The following HMCN1 variants were observed in gnomAD, a reference collection of about 807,000 sequenced individuals.
The protein encoded by HMCN1 is hemicentin 1, also known as hemicentin-1.
Under a neutral mutation model 625.9 loss-of-function variants are expected in HMCN1, and 321 were observed. The ratio of observed to expected loss-of-function variants is 0.51; its 90% CI spans 0.47 to 0.56. HMCN1 has a LOEUF of 0.56. Among genes scored for constraint, HMCN1 ranks in the 20% least tolerant of loss-of-function variants. The pLI, the probability that HMCN1 is intolerant of heterozygous loss-of-function variation, is 0.00. For synonymous variants in HMCN1, 2,425 were observed against 2,417.6 expected (o/e 1.00, Z -0.09); for missense variants, 6,588 against 6,887.3 (o/e 0.96, Z 1.54).
rs188291310 is a variant in HMCN1, at chr1:185,737,616, G to T, written c.268+2569G>T. On this transcript the variant is annotated intron_variant, in intron 1 of 106. Coordinates refer to ENST00000271588, the MANE Select transcript of HMCN1 (RefSeq NM_031935.3). Reference sequence around the variant, plus strand: ...GTTAATGACTCTTTTACATATGGTTGTTTTCATAGTGCCTAACACATATTC... The same window carrying T: ...GTTAATGACTCTTTTACATATGGTTTTTTTCATAGTGCCTAACACATATTC... Among the ~76,000 whole-genome samples the T allele has an allele frequency of 7.6e-4, 115 of 152,252 alleles. 1 individual carries two copies. Among genetic ancestry groups the T allele is most frequent in the South Asian group, 4.1e-4 (2 of 4,824 alleles).
intron 40 of HMCN1, among the ~76,000 whole-genome samples, chr1:186,043,818 C>T (rs1656368498): frequency 6.6e-6 from 1 of 151,932 alleles, no homozygotes; most frequent in South Asian, 2.1e-4. Context: ...GCCTATAATC[C>T]CAGCACTTTG....
chr1:186,107,443 C>T (rs993672325), intron 70 of HMCN1, among the ~76,000 whole-genome samples: 2 of 152,126 alleles, frequency 1.3e-5, no homozygotes, highest in African/African-American at 4.8e-5. Context: ...TCCAGAATCT[C>T]ATCACACAAA....
intron 17 of HMCN1, 62 bp downstream of exon 17, chr1:185,981,135 GTCATCTCT>G (rs1651604594): frequency 1.0e-6 from 1 of 984,572 alleles, no homozygotes; most frequent in East Asian, 2.4e-5. Flanking sequence ...CTTTTACTAT[GTCATCTCT>G]TGCCTGTGCC....
intron 1 of HMCN1, among the ~76,000 whole-genome samples, chr1:185,747,352 T>G (rs914651057): frequency 3.9e-5 from 6 of 152,024 alleles, no homozygotes; most frequent in Non-Finnish European, 8.8e-5. Flanking sequence ...AGAGTTTTAC[T>G]TCATCACCCA....
At chr1:185,977,298 A>T (rs2101988418) in intron 15 of HMCN1, among the ~76,000 whole-genome samples, 2 of 152,308 alleles carry the variant, frequency 1.3e-5, no homozygotes, top group Admixed American at 1.3e-4. Context: ...CAAGGATATA[A>T]TTTAGGAGTA....
chr1:185,765,007 AC>A, intron 1 of HMCN1, among the ~76,000 whole-genome samples: 1 of 152,296 alleles, frequency 6.6e-6, no homozygotes, highest in Middle Eastern at 3.4e-3. Flanking sequence ...ATCCTGCTGC[AC>A]CACAGCTGAT....
chr1:185,864,344 G>A (rs1663049167), intron 2 of HMCN1, 126 bp from the exon 3 acceptor site: 1 of 855,508 alleles, frequency 1.2e-6, no homozygotes, highest in East Asian at 2.6e-5. Context: ...TGAACAAAGT[G>A]TCAAACTGAC....
At chr1:185,989,407 C>G (rs748838115) in intron 20 of HMCN1, 81 bp from the exon 21 acceptor site, 3 of 1,519,128 alleles carry the variant, frequency 2.0e-6, no homozygotes, top group Non-Finnish European at 2.7e-6. Context: ...CTCTATTCCT[C>G]TTCCAGACAT....
chr1:185,841,837 C>T (rs769623818), intron 1 of HMCN1, among the ~76,000 whole-genome samples: 1 of 152,104 alleles, frequency 6.6e-6, no homozygotes, highest in Non-Finnish European at 1.5e-5. Flanking sequence ...TATAAGGCTT[C>T]AAGTGGATCA....
chr1:185,894,129 C>T (rs981664461), intron 4 of HMCN1, among the ~76,000 whole-genome samples: 2 of 150,504 alleles, frequency 1.3e-5, no homozygotes, highest in East Asian at 3.9e-4. Flanking sequence ...AGCGAGACTC[C>T]GTGTCAAAAA....
chr1:185,867,239 A>G lies in HMCN1; in HGVS notation c.621+1376A>G, dbSNP rs76139207. 2.0e-3 allele frequency among the ~76,000 whole-genome samples: 304 copies of G among 152,312 alleles called. 1 individual carries two copies. Among genetic ancestry groups the G allele is most frequent in the African/African-American group, 7.1e-3 (295 of 41,566 alleles). ...CTTAGGTTTATATTGTGTGCACTCT[A>G]GTGACTCAGAAATTCCTGGGAAGGG... On this transcript the variant is annotated intron_variant, in intron 4 of 106. Coordinates refer to ENST00000271588, the MANE Select transcript of HMCN1 (RefSeq NM_031935.3).
chr1:185,967,629 C>A (rs1558102764), intron 14 of HMCN1, among the ~76,000 whole-genome samples: 2 of 151,908 alleles, frequency 1.3e-5, no homozygotes, highest in South Asian at 2.1e-4. Context: ...TTAGGACCAC[C>A]AAGAGCAAAT....
At chr1:185,987,762 A>G (rs1428218005) in intron 20 of HMCN1, among the ~76,000 whole-genome samples, 2 of 151,890 alleles carry the variant, frequency 1.3e-5, no homozygotes, top group Non-Finnish European at 2.9e-5. Flanking sequence ...GAAGTTGGGT[A>G]TTTATACATG....
At chr1:186,134,014 A>G (rs1027118232) in intron 86 of HMCN1, among the ~76,000 whole-genome samples, 7 of 152,144 alleles carry the variant, frequency 4.6e-5, no homozygotes, top group Non-Finnish European at 1.0e-4. Context: ...ACGTAGGTAG[A>G]ACACTACACA....
Position 186,048,637 on chromosome 1 carries a change from A to T in HMCN1, c.6481-106A>T, listed in dbSNP as rs1656734146. ...GCTATTTTGTCTATTTTTTATATGTATGTGAATCTTCAGAATAAAAATAAG... is the reference window on the plus strand; with the variant it reads ...GCTATTTTGTCTATTTTTTATATGTTTGTGAATCTTCAGAATAAAAATAAG... On this transcript the variant is annotated intron_variant, in intron 41 of 106. Transcript: ENST00000271588. The T allele has an allele frequency of 5.4e-6, 4 of 739,194 alleles. No individual in the cohort carries two copies. The Admixed American group carries it at 6.1e-5, about 11-fold the overall frequency. 45.8% of individuals were successfully genotyped at this position (739,194 alleles called of 1,614,324 possible). A position where few individuals can be genotyped will look rare whatever the true frequency, so the allele number is the denominator to read the frequency against.
rs373924801 is a variant in HMCN1 at position 185,893,289 on chromosome 1, G to A, written c.622-16048G>A. Among the ~76,000 whole-genome samples, 3 of 152,196 alleles carry A rather than the reference G, an allele frequency of 2.0e-5. No individual in the cohort carries two copies. The East Asian group carries it at 5.8e-4, about 29-fold the overall frequency. ...CCATCTTCTGCGTTGCTCAGGCTGG[G>A]AGCTGTAGACTGGAGCTGTTCCTAT... On this transcript the variant is annotated intron_variant, in intron 4 of 106. Coordinates refer to ENST00000271588, the MANE Select transcript of HMCN1 (RefSeq NM_031935.3).
chr1:186,142,520 C>G (rs1650035050), intron 89 of HMCN1, among the ~76,000 whole-genome samples: 1 of 152,060 alleles, frequency 6.6e-6, no homozygotes, highest in Admixed American at 6.5e-5. Flanking sequence ...GGGCATATAC[C>G]CAATAGTGGG....
chr1:185,959,905 G>A (rs1479584681), intron 11 of HMCN1, among the ~76,000 whole-genome samples: 1 of 151,990 alleles, frequency 6.6e-6, no homozygotes, highest in Non-Finnish European at 1.5e-5. Flanking sequence ...CCATGTTCTT[G>A]CTCCATTGAA....
intron 1 of HMCN1, among the ~76,000 whole-genome samples, chr1:185,801,095 G>A (rs979089260): frequency 7.2e-5 from 11 of 152,040 alleles, no homozygotes; most frequent in Non-Finnish European, 1.2e-4. Flanking sequence ...GTACACAAGA[G>A]GTGCTTCATT....
Sources: gnomAD v4.1 joint callset for allele counts (sites outside exome capture counted in the v4.1 genomes callset) on GRCh38, gnomAD v4.1.1 for gene constraint, MANE v1.5 for transcripts, NCBI Gene and HGNC (gene_info 2026-07-23, HGNC 2026-07-21) for gene names.